Variants in RABGAP1 observed in about 807,000 individuals in gnomAD.
RABGAP1 encodes rab GTPase-activating protein 1.
In RABGAP1, 23 loss-of-function variants were observed where a neutral mutation model predicts 137.6. The observed-to-expected ratio is 0.17, with a 90% CI of 0.12 to 0.24. The LOEUF (loss-of-function observed/expected upper bound fraction) is 0.24. Among genes scored for constraint, RABGAP1 ranks in the 10% least tolerant of loss-of-function variants. The pLI, the probability that RABGAP1 is intolerant of heterozygous loss-of-function variation, is 1.00. For missense variants in RABGAP1, 906 were observed against 1,275.8 expected, an observed-to-expected ratio of 0.71 and a Z score of 4.42; for synonymous variants, 451 against 450.7, an observed-to-expected ratio of 1.00 and a Z score of -0.01.
intron 20 of RABGAP1, 99 bp downstream of exon 20, chr9:123,089,949 T>C: frequency 9.2e-7 from 1 of 1,088,900 alleles, no homozygotes; most frequent in Non-Finnish European, 1.3e-6. Context: ...TAAAATTCAA[T>C]TCCTCTGTAG....
chr9:122,992,543 A>G (rs532143279), intron 6 of RABGAP1, among the ~76,000 whole-genome samples: 1 of 152,158 alleles, frequency 6.6e-6, no homozygotes, highest in South Asian at 2.1e-4. Context: ...CTGGATGGTC[A>G]GATTTGCTTT....
At chr9:123,031,777 G>A (rs114020768) in intron 13 of RABGAP1, among the ~76,000 whole-genome samples, 108 of 152,300 alleles carry the variant, frequency 7.1e-4, no homozygotes, top group African/African-American at 2.5e-3. Flanking sequence ...TTTTAGACAT[G>A]CTGTGGTTGA....
At chr9:123,057,964 A>G (rs923482693) in intron 13 of RABGAP1, among the ~76,000 whole-genome samples, 24 of 151,336 alleles carry the variant, frequency 1.6e-4, no homozygotes, top group Non-Finnish European at 8.9e-5. Flanking sequence ...GAGGCAGGAG[A>G]ATCAGGCAGG....
At chr9:122,957,502 C>G (rs80007694) in intron 2 of RABGAP1, among the ~76,000 whole-genome samples, 2,619 of 152,100 alleles carry the variant, frequency 0.017, 85 homozygotes, top group African/African-American at 0.06. Context: ...ATTACAAGTA[C>G]TTGTTTTGTT....
intron 13 of RABGAP1, among the ~76,000 whole-genome samples, chr9:123,026,403 T>C (rs1300719313): frequency 6.6e-6 from 1 of 152,222 alleles, no homozygotes; most frequent in African/African-American, 2.4e-5. Flanking sequence ...CTGAATTTTA[T>C]CAGCTTTTTC....
chr9:122,940,286 C>T (rs574273053), upstream of RABGAP1: 204 of 152,248 alleles, frequency 1.3e-3, no homozygotes, highest in African/African-American at 4.6e-3. Flanking sequence ...TGTGTTTCAC[C>T]TTTGAATGAT....
chr9:123,039,960 G>A (rs915013525), intron 13 of RABGAP1, among the ~76,000 whole-genome samples: 4 of 152,082 alleles, frequency 2.6e-5, no homozygotes, highest in Non-Finnish European at 5.9e-5. Flanking sequence ...CCTTGATACT[G>A]CCATAGGGTA....
At chr9:122,949,036 G>A (rs1834084709) in intron 1 of RABGAP1, among the ~76,000 whole-genome samples, 1 of 152,168 alleles carries the variant, frequency 6.6e-6, no homozygotes, top group Admixed American at 6.5e-5. Flanking sequence ...TTTATACTCA[G>A]TAATTGCTTC....
At chr9:123,076,577 T>C in intron 18 of RABGAP1, 57 bp from the exon 19 acceptor site, 1 of 1,532,034 alleles carries the variant, frequency 6.5e-7, no homozygotes. Flanking sequence ...ATAAAAAACT[T>C]CTTGTGCATC....
At chr9:122,966,340 C>T (rs1302527661) in intron 2 of RABGAP1, among the ~76,000 whole-genome samples, 1 of 151,990 alleles carries the variant, frequency 6.6e-6, no homozygotes, top group African/African-American at 2.4e-5. Flanking sequence ...GCCTGGCCAA[C>T]ATGGTGACGC....
chr9:123,079,234 G>GTTTTTTTTTTTTT (rs1199323680), intron 19 of RABGAP1, among the ~76,000 whole-genome samples: 4 of 142,502 alleles, frequency 2.8e-5, no homozygotes, highest in African/African-American at 1.1e-4. Context: ...TTTTTGTTTT[G>GTTTTTTTTTTTTT]TTTTGTTTTT....
chr9:123,094,975 G>A (rs1007155407), intron 21 of RABGAP1, among the ~76,000 whole-genome samples: 3 of 151,930 alleles, frequency 2.0e-5, no homozygotes, highest in Non-Finnish European at 4.4e-5. Flanking sequence ...CCTGATGTAC[G>A]TCATTTCTTT....
At chr9:123,087,534 T>G (rs2034906107) in intron 19 of RABGAP1, among the ~76,000 whole-genome samples, 1 of 152,234 alleles carries the variant, frequency 6.6e-6, no homozygotes, top group Non-Finnish European at 1.5e-5. Context: ...TTAGGTGCTT[T>G]CTTTGTGAGT....
At chr9:123,039,655 ACT>A (rs769481892) in intron 13 of RABGAP1, among the ~76,000 whole-genome samples, 19 of 152,068 alleles carry the variant, frequency 1.2e-4, no homozygotes, top group Admixed American at 6.6e-5. Context: ...GCTTCTGGAA[ACT>A]CTGTAGCTTC....
rs926055466 is a variant in RABGAP1, at chr9:123,012,187, C to T, written c.1549+1659C>T. On this transcript the variant is annotated intron_variant, in intron 11 of 25. Transcript: ENST00000373647. Reference sequence around the variant, plus strand: ...GTCAGAGATGCAATTCAGAGTCCCCCTGGAGAGCCAATTTAAGTCATATGT... The same window carrying T: ...GTCAGAGATGCAATTCAGAGTCCCCTTGGAGAGCCAATTTAAGTCATATGT... 2.0e-5 allele frequency among the ~76,000 whole-genome samples: 3 copies of T among 152,186 alleles called. No individual in the cohort carries two copies. The South Asian group carries it at 6.2e-4, about 32-fold the overall frequency.
intron 2 of RABGAP1, among the ~76,000 whole-genome samples, chr9:122,973,025 G>C (rs1333239534): frequency 6.8e-6 from 1 of 147,022 alleles, no homozygotes; most frequent in African/African-American, 2.5e-5. Flanking sequence ...TTTTAACCTA[G>C]TCATCCATAA....
rs182800644 is a variant in RABGAP1 at position 123,051,297 on chromosome 9, G to C, written c.1795-14051G>C. Among the ~76,000 whole-genome samples the C allele has an allele frequency of 1.4e-4, 18 of 127,306 alleles. No homozygotes were observed. The East Asian group carries it at 4.3e-3, about 30-fold the overall frequency. 83.5% of individuals were successfully genotyped at this position (127,306 alleles called of 152,430 possible). On this transcript the variant is annotated intron_variant, in intron 13 of 25. Coordinates refer to ENST00000373647, the MANE Select transcript of RABGAP1 (RefSeq NM_012197.4). ...AGTTTCACTCTTACTGCCCAGGCTG[G>C]AGTGCAATGGCGCGATCTTGGCCCA...
At chr9:123,007,971 A>G (rs1331592987) in intron 10 of RABGAP1, among the ~76,000 whole-genome samples, 1 of 149,802 alleles carries the variant, frequency 6.7e-6, no homozygotes, top group Non-Finnish European at 1.5e-5. Flanking sequence ...TGTTTAAATT[A>G]TATGTATAAT....
At chr9:123,067,804 A>G (rs1381026238) in intron 14 of RABGAP1, among the ~76,000 whole-genome samples, 1 of 152,140 alleles carries the variant, frequency 6.6e-6, no homozygotes, top group South Asian at 2.1e-4. Flanking sequence ...TACTCCAAAC[A>G]TTTTCCAAAT....
Sources: allele counts gnomAD v4.1 joint callset (sites outside exome capture counted in the v4.1 genomes callset), GRCh38; gene constraint gnomAD v4.1.1; transcripts MANE v1.5; gene names NCBI Gene and HGNC (gene_info 2026-07-23, HGNC 2026-07-21).